Variants in AXIN1 observed in about 807,000 individuals in gnomAD.
AXIN1 encodes the protein axin-1.
AXIN1 carries 30 observed loss-of-function variants against 76.4 expected under a neutral mutation model. The ratio of observed to expected loss-of-function variants is 0.39; its 90% CI spans 0.29 to 0.53. AXIN1 has a LOEUF of 0.53. Among genes scored for constraint, AXIN1 ranks in the 20% least tolerant of loss-of-function variants. The pLI, the probability that AXIN1 is intolerant of heterozygous loss-of-function variation, is 0.66. For synonymous variants in AXIN1, 545 were observed against 501.4 expected (o/e 1.09, Z -1.16); for missense variants, 1,140 against 1,198.8 (o/e 0.95, Z 0.72).
rs1399745546 is a variant in AXIN1 at position 293,640 on chromosome 16, C to G, written c.2034G>C (p.Gln678His). 6.2e-7 allele frequency: 1 copy of G among 1,613,560 alleles called. No homozygotes were observed. Among genetic ancestry groups the G allele is most frequent in the Non-Finnish European group, 8.5e-7 (1 of 1,179,996 alleles). Residue 678 changes from glutamine (Q) to histidine (H), a missense_variant, in exon 8 of 11, where the codon CAG becomes CAC. Around this residue, in one of 3 missense-constraint regions of AXIN1, gnomAD observed 429 missense variants for 405.8 expected, o/e 1.06. Coordinates refer to ENST00000262320, the MANE Select transcript of AXIN1 (RefSeq NM_003502.4). The surrounding 1 kb of genome is among the most constrained non-coding windows in gnomAD (Gnocchi z 4.6). ...GGGAGGGCTGCACGGAGGTCCGGAG[C>G]TGAGGGCCGGCCCAGGGGTGCTCAA... The part of the protein sequence containing the change: ...LSLEHPWAGP[Q>H]LRTSVQPSHL...
At chr16:307,896 G>C (rs2053070127) in intron 4 of AXIN1, among the ~76,000 whole-genome samples, 1 of 152,220 alleles carries the variant, frequency 6.6e-6, no homozygotes, top group African/African-American at 2.4e-5. Context: ...AGTAGCAGCA[G>C]TGAGCAGGCC....
intron 2 of AXIN1, among the ~76,000 whole-genome samples, chr16:331,630 G>A (rs957322605): frequency 6.6e-6 from 1 of 152,148 alleles, no homozygotes; most frequent in Non-Finnish European, 1.5e-5. Context: ...AGCAGTAAGC[G>A]GACGCATAAC....
intron 2 of AXIN1, among the ~76,000 whole-genome samples, chr16:340,906 G>A (rs779719352): frequency 8.5e-5 from 13 of 152,362 alleles, no homozygotes; most frequent in Admixed American, 4.6e-4. Flanking sequence ...ACAAGGACCC[G>A]CACTCAGGCG....
intron 2 of AXIN1, among the ~76,000 whole-genome samples, chr16:338,927 G>GAA (rs748212713): frequency 7.0e-6 from 1 of 142,112 alleles, no homozygotes; most frequent in African/African-American, 2.6e-5. Flanking sequence ...CCATCTTGGG[G>GAA]AAAAAAAAAA....
At chr16:292,479 A>T (rs1464228089) in intron 8 of AXIN1, 3 of 152,222 alleles carry the variant, frequency 2.0e-5, no homozygotes, top group Non-Finnish European at 2.9e-5. Flanking sequence ...GGTTCGGCAG[A>T]ATAAGGCCCC....
At chr16:335,317 C>T (rs2053779633) in intron 2 of AXIN1, among the ~76,000 whole-genome samples, 2 of 152,174 alleles carry the variant, frequency 1.3e-5, no homozygotes, top group Non-Finnish European at 2.9e-5. Context: ...CACAGGCACA[C>T]CTCGGCCACT....
In AXIN1 at chr16:326,867, G is replaced by A. The variant is rs368316548; in HGVS notation, c.879-12184C>T. On this transcript the variant is annotated intron_variant, in intron 2 of 10. Transcript: ENST00000262320. ...CCAAGATTGCCAGCACTGGCCGGGTGTGGTGGCTCACACCTGTAATCCCAA... is the reference window on the plus strand; with the variant it reads ...CCAAGATTGCCAGCACTGGCCGGGTATGGTGGCTCACACCTGTAATCCCAA... Among the ~76,000 whole-genome samples the A allele has an allele frequency of 5.9e-5, 9 of 151,476 alleles. No homozygotes were observed. The East Asian group carries it at 1.8e-3, about 30-fold the overall frequency.
At chr16:349,794 G>T (rs1247182856) in intron 1 of AXIN1, among the ~76,000 whole-genome samples, 1 of 152,182 alleles carries the variant, frequency 6.6e-6, no homozygotes, top group African/African-American at 2.4e-5. Context: ...AATGGGTTTT[G>T]TTGTTTTGTT....
At chr16:332,720 G>A (rs1355814606) in intron 2 of AXIN1, among the ~76,000 whole-genome samples, 2 of 146,114 alleles carry the variant, frequency 1.4e-5, no homozygotes, top group African/African-American at 2.5e-5. Context: ...GCAAGGGCAG[G>A]AAAAAAATGT....
At chr16:323,563 C>T (rs1417003647) in intron 2 of AXIN1, among the ~76,000 whole-genome samples, 1 of 151,762 alleles carries the variant, frequency 6.6e-6, no homozygotes, top group Non-Finnish European at 1.5e-5. Flanking sequence ...GGGTGGATCA[C>T]AAGGTCAAGA....
chr16:288,951 G>A (rs1021767017), intron 10 of AXIN1, among the ~76,000 whole-genome samples: 10 of 152,216 alleles, frequency 6.6e-5, no homozygotes, highest in Admixed American at 5.2e-4. Context: ...GGCCCTGGAC[G>A]GGGGTCCCTT....
chr16:330,962 T>C (rs562974331), intron 2 of AXIN1, among the ~76,000 whole-genome samples: 2 of 152,298 alleles, frequency 1.3e-5, no homozygotes, highest in South Asian at 4.1e-4. Context: ...CCAGGGTCTT[T>C]ACAAAGGCCA....
chr16:314,939 C>T (rs983840271), intron 2 of AXIN1, among the ~76,000 whole-genome samples: 2 of 152,176 alleles, frequency 1.3e-5, no homozygotes, highest in Non-Finnish European at 2.9e-5. Flanking sequence ...CTTTGGTGCA[C>T]ACACAGAGCA....
Position 297,755 on chromosome 16 carries a change from G to C in AXIN1, c.1751C>G (p.Ala584Gly), listed in dbSNP as rs923880740. The part of the protein sequence containing the change: ...RSRGYSESVG[A>G]APNASDGLAH... ...GAGGCCATCACTGGCGTTGGGGGCA[G>C]CGCCAACACTCTCTGAGTAGCCTCG... The change falls in exon 6 of 11, where the codon GCT (alanine) becomes GGT (glycine). Residue 584 changes from alanine (A) to glycine (G), a missense_variant. Physicochemically the swap from Ala to Gly is moderately conservative, Grantham distance 60. Around this residue, in one of 3 missense-constraint regions of AXIN1, gnomAD observed 429 missense variants for 405.8 expected, o/e 1.06. Coordinates refer to ENST00000262320, the MANE Select transcript of AXIN1 (RefSeq NM_003502.4). The C allele has an allele frequency of 3.8e-6, 6 of 1,594,500 alleles. No individual in the cohort carries two copies. Among genetic ancestry groups the C allele is most frequent in the Non-Finnish European group, 5.1e-6 (6 of 1,171,692 alleles).
chr16:301,436 C>A (rs1331063032), intron 5 of AXIN1, among the ~76,000 whole-genome samples: 1 of 152,050 alleles, frequency 6.6e-6, no homozygotes, highest in Admixed American at 6.6e-5. Flanking sequence ...GGTGGGGAAG[C>A]CTTGAGAGTC....
chr16:292,999 C>T (rs772382398), intron 8 of AXIN1: 21 of 171,616 alleles, frequency 1.2e-4, no homozygotes, highest in Admixed American at 2.2e-4. Flanking sequence ...GTGGGCTGGA[C>T]GTCCAGGACG....
intron 2 of AXIN1, among the ~76,000 whole-genome samples, chr16:327,461 TG>T (rs1348158119): frequency 6.6e-6 from 1 of 152,248 alleles, no homozygotes; most frequent in Admixed American, 6.5e-5. Flanking sequence ...GGTTCCACGC[TG>T]CGGCCAGCCT....
chr16:325,284 T>C (rs2053557081), intron 2 of AXIN1, among the ~76,000 whole-genome samples: 1 of 145,946 alleles, frequency 6.9e-6, no homozygotes, highest in Admixed American at 6.8e-5. Context: ...ATAAACGCAG[T>C]CTCATGGGGA....
rs750345693 is a variant in AXIN1 at position 291,186 on chromosome 16, G to T, written c.2294+4C>A. On this transcript the variant is annotated splice_donor_region_variant and intron_variant, in intron 9 of 10. Coordinates refer to ENST00000262320, the MANE Select transcript of AXIN1 (RefSeq NM_003502.4). Reference sequence around the variant, plus strand: ...GACCGGGAGGACCCTCAGGACGCACGTACTCTGTCTCGGAGAGCTCCATGT... The same window carrying T: ...GACCGGGAGGACCCTCAGGACGCACTTACTCTGTCTCGGAGAGCTCCATGT... 2 of 1,576,562 alleles carry T rather than the reference G, an allele frequency of 1.3e-6. No homozygotes were observed. The highest frequency in any genetic ancestry group is 2.3e-5 in the South Asian group (2 of 86,464).
Sources: allele counts gnomAD v4.1 joint callset (sites outside exome capture counted in the v4.1 genomes callset), GRCh38; gene constraint gnomAD v4.1.1; regional missense constraint gnomAD v4.1.1; non-coding constraint Gnocchi (gnomAD v3.1); transcripts MANE v1.5; gene names NCBI Gene and HGNC (gene_info 2026-07-23, HGNC 2026-07-21).